Variants in DCBLD2 observed in about 807,000 individuals in gnomAD.
The protein encoded by DCBLD2 is discoidin, CUB and LCCL domain containing 2, also known as discoidin, CUB and LCCL domain-containing protein 2.
In DCBLD2, 54 loss-of-function variants were observed where a neutral mutation model predicts 86.8. The ratio of observed to expected loss-of-function variants is 0.62; its 90% CI spans 0.50 to 0.78. The LOEUF (loss-of-function observed/expected upper bound fraction) is 0.78. Among genes scored for constraint, DCBLD2 ranks in the 30% least tolerant of loss-of-function variants. The pLI is 0.00. For missense variants in DCBLD2, 908 were observed against 954.2 expected, an observed-to-expected ratio of 0.95 and a Z score of 0.64; for synonymous variants, 354 against 341.3, an observed-to-expected ratio of 1.04 and a Z score of -0.41.
chr3:98,870,789 GAAAGAAAGAAAGAAAGAAAGA>G (rs1559794599), intron 2 of DCBLD2, among the ~76,000 whole-genome samples: 16 of 150,876 alleles, frequency 1.1e-4, no homozygotes, highest in African/African-American at 2.7e-4. Flanking sequence ...AAGAAAGAAA[GAAAGAAAGAAAGAAAGAAAGA>G]AAGGTAGGCA....
chr3:98,845,438 A>G (rs1256363442), intron 3 of DCBLD2, among the ~76,000 whole-genome samples: 1 of 151,958 alleles, frequency 6.6e-6, no homozygotes, highest in African/African-American at 2.4e-5. Context: ...GATATGTCTG[A>G]CTCTACAGTC....
At chr3:98,840,305 G>C (rs570905234) in intron 3 of DCBLD2, among the ~76,000 whole-genome samples, 4 of 152,292 alleles carry the variant, frequency 2.6e-5, no homozygotes, top group South Asian at 2.1e-4. Context: ...ATTGGCAGCT[G>C]AATATGAAGC....
chr3:98,835,572 A>T (rs1942423653), intron 3 of DCBLD2, among the ~76,000 whole-genome samples: 1 of 145,866 alleles, frequency 6.9e-6, no homozygotes. Flanking sequence ...TTTTTGAGAC[A>T]GAGTTTCTTT....
intron 2 of DCBLD2, among the ~76,000 whole-genome samples, chr3:98,879,487 C>A (rs1304613121): frequency 6.6e-6 from 1 of 151,852 alleles, no homozygotes; most frequent in African/African-American, 2.4e-5. Flanking sequence ...CCCGGGTTCA[C>A]GCCATTCTCC....
At chr3:98,809,033 A>G (rs1183586197) in intron 12 of DCBLD2, among the ~76,000 whole-genome samples, 1 of 152,094 alleles carries the variant, frequency 6.6e-6, no homozygotes, top group Non-Finnish European at 1.5e-5. Flanking sequence ...ATATATATAT[A>G]TGGGAAGGTA....
chr3:98,845,767 T>C (rs1263147114), intron 3 of DCBLD2, among the ~76,000 whole-genome samples: 1 of 152,226 alleles, frequency 6.6e-6, no homozygotes, highest in Non-Finnish European at 1.5e-5. Flanking sequence ...TACTCTGCTT[T>C]CTTTTCCAGT....
At chr3:98,822,455 G>T in intron 5 of DCBLD2, 94 bp from the exon 6 acceptor site, 1 of 1,457,178 alleles carries the variant, frequency 6.9e-7, no homozygotes, top group East Asian at 2.5e-5. Context: ...GTTAATCTAG[G>T]CAGTTTCTTC....
chr3:98,858,832 C>T (rs991758123), intron 2 of DCBLD2, among the ~76,000 whole-genome samples: 1 of 152,102 alleles, frequency 6.6e-6, no homozygotes, highest in African/African-American at 2.4e-5. Context: ...TCCTCCGTTC[C>T]AAGATGGCCG....
At chr3:98,809,778 T>C (rs967599333) in intron 12 of DCBLD2, among the ~76,000 whole-genome samples, 1 of 152,132 alleles carries the variant, frequency 6.6e-6, no homozygotes, top group African/African-American at 2.4e-5. Flanking sequence ...AATCTGACCA[T>C]GACATAATCT....
chr3:98,892,623 G>A (rs889643198), intron 1 of DCBLD2, among the ~76,000 whole-genome samples: 1 of 152,138 alleles, frequency 6.6e-6, no homozygotes, highest in Non-Finnish European at 1.5e-5. Flanking sequence ...CAAGAGGGAA[G>A]AACTAAGCTG....
intron 2 of DCBLD2, among the ~76,000 whole-genome samples, chr3:98,861,187 T>C (rs12636683): frequency 0.32 from 48,085 of 152,094 alleles, 8,778 homozygotes; most frequent in East Asian, 0.68. Flanking sequence ...ATCCTAAATA[T>C]ATATGCAGCC....
chr3:98,901,085 A>C lies in DCBLD2; in HGVS notation c.205+37T>G, dbSNP rs1193480979. ...GCCAAGAGACCCGCAGCCCCGACGGAGGTTCCCCCGCCGCTCACTCCCCTG... is the reference window on the plus strand; with the variant it reads ...GCCAAGAGACCCGCAGCCCCGACGGCGGTTCCCCCGCCGCTCACTCCCCTG... On this transcript the variant is annotated intron_variant, in intron 1 of 15. Coordinates refer to ENST00000326840, the MANE Select transcript of DCBLD2 (RefSeq NM_080927.4). 2.6e-6 allele frequency: 4 copies of C among 1,537,076 alleles called. No individual in the cohort carries two copies. In the African/African-American group the frequency reaches 5.5e-5, roughly 21 times the overall value.
At chr3:98,817,937 T>C (rs779031951) in intron 8 of DCBLD2, 44 bp from the exon 9 acceptor site, 23 of 1,600,552 alleles carry the variant, frequency 1.4e-5, no homozygotes, top group Non-Finnish European at 6.8e-6. Context: ...ATGGTCTGAT[T>C]CCCTAAGTTT....
chr3:98,799,946 T>A (rs1941686739), intron 15 of DCBLD2, 105 bp from the exon 16 acceptor site: 9 of 993,394 alleles, frequency 9.1e-6, no homozygotes, highest in Admixed American at 2.9e-5. Context: ...TTCTTTAGGA[T>A]ACTTTTGTTG....
intron 2 of DCBLD2, among the ~76,000 whole-genome samples, chr3:98,858,251 A>G (rs1411326420): frequency 3.3e-5 from 5 of 152,160 alleles, no homozygotes; most frequent in Admixed American, 3.3e-4. Flanking sequence ...CACACCCAGA[A>G]CTCGCACTGG....
chr3:98,901,473 C>T lies in DCBLD2; in HGVS notation c.-147G>A, dbSNP rs1025901184. The T allele has an allele frequency of 2.7e-6, 2 of 741,962 alleles. No homozygotes were observed. Among genetic ancestry groups the T allele is most frequent in the Admixed American group, 4.5e-5 (1 of 22,282 alleles). 46.0% of individuals were successfully genotyped at this position (741,962 alleles called of 1,614,324 possible). A position where few individuals can be genotyped will look rare whatever the true frequency, so the allele number is the denominator to read the frequency against. On this transcript the variant is annotated 5_prime_UTR_variant, in exon 1 of 16. Transcript: ENST00000326840. Reference sequence around the variant, plus strand: ...CACCCCGCGCCGGGACCCTTCCGCCCCTCACCCCGCTTTCACCTACTCCTC... The same window carrying T: ...CACCCCGCGCCGGGACCCTTCCGCCTCTCACCCCGCTTTCACCTACTCCTC...
At chr3:98,867,459 G>T (rs1289508172) in intron 2 of DCBLD2, among the ~76,000 whole-genome samples, 1 of 152,058 alleles carries the variant, frequency 6.6e-6, no homozygotes, top group Non-Finnish European at 1.5e-5. Flanking sequence ...TATAAAATAT[G>T]TACAATTTTC....
At chr3:98,860,122 C>T (rs556398316) in intron 2 of DCBLD2, among the ~76,000 whole-genome samples, 4 of 152,050 alleles carry the variant, frequency 2.6e-5, no homozygotes, top group South Asian at 2.1e-4. Flanking sequence ...GAAAGGGTAT[C>T]GGTGATAGAA....
chr3:98,861,894 A>G (rs1199141365), intron 2 of DCBLD2, among the ~76,000 whole-genome samples: 4 of 152,166 alleles, frequency 2.6e-5, no homozygotes, highest in Non-Finnish European at 5.9e-5. Flanking sequence ...ACTGAAGGAG[A>G]TAGGGACACA....
Sources: allele counts gnomAD v4.1 joint callset (sites outside exome capture counted in the v4.1 genomes callset), GRCh38; gene constraint gnomAD v4.1.1; transcripts MANE v1.5; gene names NCBI Gene and HGNC (gene_info 2026-07-23, HGNC 2026-07-21).